The following ZC3H7A variants were observed in gnomAD, a reference collection of about 807,000 sequenced individuals.
The protein encoded by ZC3H7A is zinc finger CCCH-type containing 7A.
A neutral mutation model predicts 125.5 loss-of-function variants in ZC3H7A; 44 were observed. The ratio of observed to expected loss-of-function variants is 0.35; its 90% CI spans 0.28 to 0.45. ZC3H7A has a LOEUF of 0.45. Among genes scored for constraint, ZC3H7A ranks in the 20% least tolerant of loss-of-function variants. The pLI is 1.00. For missense variants in ZC3H7A, 977 were observed against 1,170.7 expected (o/e 0.83, Z 2.41); for synonymous variants, 399 against 391.2 (o/e 1.02, Z -0.23).
In ZC3H7A at chr16:11,751,213, C is replaced by T. The variant is rs937729229; in HGVS notation, c.*104G>A. 1.6e-6 allele frequency: 2 copies of T among 1,259,622 alleles called. No homozygotes were observed. The highest frequency in any genetic ancestry group is 1.5e-5 in the African/African-American group (1 of 65,770). The allele number at this position is 1,259,622 out of a possible 1,614,324, so 78.0% of individuals were successfully genotyped here. On this transcript the variant is annotated 3_prime_UTR_variant, in exon 23 of 23. Transcript: ENST00000355758. Reference sequence around the variant, plus strand: ...GCTGCTCAGGAGGAACGATATACGCCAATACAAGCAGGAAATCTGCAGCTC... The same window carrying T: ...GCTGCTCAGGAGGAACGATATACGCTAATACAAGCAGGAAATCTGCAGCTC...
At chr16:11,751,594 T>C (rs2052554089) in intron 22 of ZC3H7A, 88 bp from the exon 23 acceptor site, 2 of 1,339,726 alleles carry the variant, frequency 1.5e-6, no homozygotes, top group Non-Finnish European at 2.0e-6. Context: ...TTTCACTAGC[T>C]TTATGATTTG....
At chr16:11,761,852 T>G (rs2052757978) in intron 18 of ZC3H7A, 58 bp downstream of exon 18, 6 of 1,596,784 alleles carry the variant, frequency 3.8e-6, no homozygotes, top group Non-Finnish European at 5.1e-6. Context: ...GTGTATAATT[T>G]TATACCTACG....
In ZC3H7A at chr16:11,779,359, T is replaced by C. The variant is rs1163637804; in HGVS notation, c.113A>G (p.Tyr38Cys). Reference sequence around the variant, plus strand: ...AAGATTTCTCACGAGAGCACGCAAATATACCTAAAAAAAAGAAAGTTACCA... The same window carrying C: ...AAGATTTCTCACGAGAGCACGCAAACATACCTAAAAAAAAGAAAGTTACCA... ...YPGTQEQYAVYLRALVRNLFN... is the reference protein window; with the variant it reads ...YPGTQEQYAVCLRALVRNLFN... The change falls in exon 4 of 23, where the codon TAT becomes TGT. Residue 38 changes from tyrosine to cysteine, a missense_variant. Physicochemically the swap from Tyr to Cys is radical, Grantham distance 194. Coordinates refer to ENST00000355758, the MANE Select transcript of ZC3H7A (RefSeq NM_014153.4). 2 of 1,606,990 alleles carry C rather than the reference T, an allele frequency of 1.2e-6. No individual in the cohort carries two copies. The highest frequency in any genetic ancestry group is 2.2e-5 in the East Asian group (1 of 44,854).
intron 20 of ZC3H7A, 131 bp from the exon 21 acceptor site, chr16:11,756,501 A>G: frequency 8.5e-7 from 1 of 1,173,344 alleles, no homozygotes; most frequent in Middle Eastern, 3.0e-4. Context: ...AGACTATTAT[A>G]TTAGACATGG....
At chr16:11,785,346 T>TA (rs113419858) in intron 1 of ZC3H7A, among the ~76,000 whole-genome samples, 5 of 134,584 alleles carry the variant, frequency 3.7e-5, no homozygotes, top group Middle Eastern at 3.7e-3. Flanking sequence ...CTCGAAAAAA[T>TA]AAAAAAAAAA....
At position 11,765,726 on chromosome 16, in the gene ZC3H7A, A is replaced by G; in HGVS notation, c.1523-41T>C. ...ATGGACAGACATTGAAAACATGGCA[A>G]TTGGCCTGTACTCCCAGCTACTTGG... On this transcript the variant is annotated intron_variant, in intron 13 of 22. Transcript: ENST00000355758. The surrounding 1 kb of genome is among the most constrained non-coding windows in gnomAD (Gnocchi z 4.8). The G allele has an allele frequency of 6.3e-7, 1 of 1,584,342 alleles. No homozygotes were observed. Among genetic ancestry groups the G allele is most frequent in the Non-Finnish European group, 8.6e-7 (1 of 1,162,124 alleles).
In ZC3H7A at chr16:11,776,877, A is replaced by T. The variant is rs775879880; in HGVS notation, c.339T>A (p.Asn113Lys). The part of the protein sequence containing the change: ...GFHDKVLEDC[N>K]IVLSLNASNC... ...TACTGGCATTTAAACTGAGGACTAT[A>T]TTGCAGTCCTCCAAAACTTTATCAT... The change falls in exon 5 of 23, where the codon AAT (asparagine) becomes AAA (lysine). Residue 113 changes from asparagine (N) to lysine (K), a missense_variant. Physicochemically the swap from Asn to Lys is moderately conservative, Grantham distance 94. This residue lies in a region of ZC3H7A where 199 missense variants were observed against 256.1 expected (regional missense o/e 0.78). Transcript: ENST00000355758. 2.5e-6 allele frequency: 4 copies of T among 1,607,780 alleles called. No individual in the cohort carries two copies. Among genetic ancestry groups the T allele is most frequent in the Non-Finnish European group, 3.4e-6 (4 of 1,178,258 alleles).
intron 1 of ZC3H7A, among the ~76,000 whole-genome samples, chr16:11,794,133 C>A (rs1479631199): frequency 6.6e-6 from 1 of 152,118 alleles, no homozygotes; most frequent in African/African-American, 2.4e-5. Flanking sequence ...AGCTTCATGA[C>A]AAATGATTTG....
Position 11,763,460 on chromosome 16 carries a change from A to G in ZC3H7A, c.2002+18T>C. The stretch of plus-strand genomic sequence containing the variant: ...CTGCTCTTGAGGAGACATACTTCTC[A>G]GTCGCACTCAAACCTACCTGTTTCA... On this transcript the variant is annotated intron_variant, in intron 16 of 22. Coordinates refer to ENST00000355758, the MANE Select transcript of ZC3H7A (RefSeq NM_014153.4). 1 of 1,588,430 alleles carries G rather than the reference A, an allele frequency of 6.3e-7. No homozygotes were observed. The highest frequency in any genetic ancestry group is 8.6e-7 in the Non-Finnish European group (1 of 1,165,112).
In ZC3H7A at chr16:11,770,986, G is replaced by C. The variant is rs190287463; in HGVS notation, c.905C>G (p.Pro302Arg). The change falls in exon 10 of 23, where the codon CCG (proline) becomes CGG (arginine). Residue 302 changes from proline to arginine, a missense_variant and splice_region_variant. This residue lies in a region of ZC3H7A where 342 missense variants were observed against 311.3 expected (regional missense o/e 1.10). Transcript: ENST00000355758. ...SAPETNETVM[P>R]SALVRGPLQT... ...AAGGGGTCCTCTGACTAAAGCTGAC[G>C]GCTGCGGAAGAAAAAAAGATGTGAT... is the stretch of plus-strand genomic sequence containing the variant. 3.1e-6 allele frequency: 5 copies of C among 1,590,362 alleles called. No homozygotes were observed. The highest frequency in any genetic ancestry group is 3.4e-6 in the Non-Finnish European group (4 of 1,171,226).
intron 10 of ZC3H7A, among the ~76,000 whole-genome samples, chr16:11,770,313 C>A (rs968963267): frequency 1.2e-4 from 18 of 152,242 alleles, no homozygotes; most frequent in African/African-American, 4.1e-4. Flanking sequence ...TCAGCAATCT[C>A]CTGTAAAGTT....
intron 20 of ZC3H7A, 120 bp from the exon 21 acceptor site, chr16:11,756,490 G>C: frequency 7.8e-7 from 1 of 1,278,494 alleles, no homozygotes; most frequent in Non-Finnish European, 1.1e-6. Context: ...GGGGCTGAAG[G>C]AGACTATTAT....
chr16:11,765,628 T>C lies in ZC3H7A; in HGVS notation c.1580A>G (p.Gln527Arg), dbSNP rs368088004. ...YSGHCTFAYC[Q>R]EEIDVWTLER... ...CAGTGTCCACACATCTATCTCCTCTTGGCAATAAGCAAACGTGCAGTGGCC... is the reference window on the plus strand; with the variant it reads ...CAGTGTCCACACATCTATCTCCTCTCGGCAATAAGCAAACGTGCAGTGGCC... Residue 527 changes from glutamine (Q) to arginine (R), a missense_variant, in exon 14 of 23, where the codon CAA (glutamine) becomes CGA (arginine). Transcript: ENST00000355758. This position sits in a 1 kb window ranked among gnomAD's most constrained non-coding sequence, Gnocchi z 4.8. 1 of 1,613,980 alleles carries C rather than the reference T, an allele frequency of 6.2e-7. No individual in the cohort carries two copies. Among genetic ancestry groups the C allele is most frequent in the African/African-American group, 1.3e-5 (1 of 74,914 alleles).
chr16:11,775,075 A>T, intron 7 of ZC3H7A, 62 bp from the exon 8 acceptor site: 6 of 1,582,810 alleles, frequency 3.8e-6, no homozygotes, highest in Non-Finnish European at 5.2e-6. Context: ...TAAAACAATC[A>T]GTAAAACTCA....
Position 11,765,351 on chromosome 16 carries a change from T to A in ZC3H7A, c.1719+138A>T. ...GAGGACCAGAGGAATATTTTATTCA[T>A]AAATATGATATTATTTATCATATAA... On this transcript the variant is annotated intron_variant, in intron 14 of 22. Transcript: ENST00000355758. The surrounding 1 kb of genome is among the most constrained non-coding windows in gnomAD (Gnocchi z 4.8). 1 of 637,728 alleles carries A rather than the reference T, an allele frequency of 1.6e-6. No homozygotes were observed. Among genetic ancestry groups the A allele is most frequent in the Non-Finnish European group, 2.4e-6 (1 of 413,114 alleles). 39.5% of individuals were successfully genotyped at this position (637,728 alleles called of 1,614,324 possible). A position where few individuals can be genotyped will look rare whatever the true frequency, so the allele number is the denominator to read the frequency against.
At chr16:11,789,978 C>T (rs544266358) in intron 1 of ZC3H7A, among the ~76,000 whole-genome samples, 54 of 148,264 alleles carry the variant, frequency 3.6e-4, no homozygotes, top group African/African-American at 1.3e-3. Context: ...CTACTCGAGA[C>T]GCTAAGGCAG....
rs1349593405 is a variant in ZC3H7A at position 11,762,728 on chromosome 16, A to G, written c.2022T>C (p.Ile674=). Residue 674 remains isoleucine, a synonymous_variant, in exon 17 of 23, where the codon ATT becomes ATC. Coordinates refer to ENST00000355758, the MANE Select transcript of ZC3H7A (RefSeq NM_014153.4). ...QNETGISHDA[I]AQESKRYWQN... ...GCCAATATCGTTTAGACTCTTGAGC[A>G]ATAGCATCATGTGAGATACCTGGGG... 1.2e-6 allele frequency: 2 copies of G among 1,613,902 alleles called. No individual in the cohort carries two copies. The highest frequency in any genetic ancestry group is 1.7e-6 in the Non-Finnish European group (2 of 1,180,014).
chr16:11,769,445 A>G (rs1225671866), intron 10 of ZC3H7A, among the ~76,000 whole-genome samples: 3 of 152,006 alleles, frequency 2.0e-5, no homozygotes, highest in African/African-American at 7.2e-5. Flanking sequence ...GGTGGCTCAC[A>G]CCTGGCAATC....
At chr16:11,752,229 C>T (rs1275880567) in intron 22 of ZC3H7A, among the ~76,000 whole-genome samples, 2 of 152,134 alleles carry the variant, frequency 1.3e-5, no homozygotes, top group African/African-American at 2.4e-5. Flanking sequence ...TCTAAGAAAA[C>T]TTAAACAAAG....
Sources: gnomAD v4.1 joint callset for allele counts (sites outside exome capture counted in the v4.1 genomes callset) on GRCh38, gnomAD v4.1.1 for gene constraint, gnomAD v4.1.1 regional missense constraint, Gnocchi (gnomAD v3.1) non-coding constraint, MANE v1.5 for transcripts, NCBI Gene and HGNC (gene_info 2026-07-23, HGNC 2026-07-21) for gene names.